Variants in CDC14A observed in about 807,000 individuals in gnomAD.
The protein encoded by CDC14A is dual specificity protein phosphatase CDC14A.
A neutral mutation model predicts 74.4 loss-of-function variants in CDC14A; 53 were observed. That is an observed-to-expected ratio of 0.71 (90% confidence interval 0.57 to 0.89). CDC14A has a LOEUF of 0.89. Ranked by LOEUF, CDC14A falls within the 40% of genes least tolerant of loss-of-function variation. CDC14A has a pLI of 0.00. For missense variants in CDC14A, 646 were observed against 713.7 expected, an observed-to-expected ratio of 0.91 and a Z score of 1.08; for synonymous variants, 247 against 258.4, an observed-to-expected ratio of 0.96 and a Z score of 0.43.
chr1:100,399,248 A>G (rs1258244778), intron 4 of CDC14A, among the ~76,000 whole-genome samples: 1 of 152,166 alleles, frequency 6.6e-6, no homozygotes, highest in African/African-American at 2.4e-5. Context: ...AGGTGACCAA[A>G]TAATATTTCA....
At position 100,417,997 on chromosome 1, in the gene CDC14A, C is replaced by A. The variant is rs568733868; in HGVS notation, c.310-6225C>A. Reference sequence around the variant, plus strand: ...CTAATTACAAAAGAGCTGTGAGGGGCCCATCAGGATGTGCTTATGAGTTTC... The same window carrying A: ...CTAATTACAAAAGAGCTGTGAGGGGACCATCAGGATGTGCTTATGAGTTTC... On this transcript the variant is annotated intron_variant, in intron 4 of 15. Transcript: ENST00000336454. Among the ~76,000 whole-genome samples the A allele has an allele frequency of 2.0e-5, 3 of 152,246 alleles. No homozygotes were observed. In the East Asian group the frequency reaches 5.8e-4, roughly 29 times the overall value.
chr1:100,423,815 GCTCA>G (rs374946645), intron 4 of CDC14A: 175 of 182,768 alleles, frequency 9.6e-4, no homozygotes, highest in African/African-American at 3.3e-3. Context: ...TGGATATTGT[GCTCA>G]CTGTGAGAAG....
At chr1:100,408,120 A>G (rs760937464) in intron 4 of CDC14A, among the ~76,000 whole-genome samples, 1 of 152,036 alleles carries the variant, frequency 6.6e-6, no homozygotes, top group Non-Finnish European at 1.5e-5. Flanking sequence ...CTTTGTGTCC[A>G]TGTGTTCTCA....
chr1:100,387,700 C>T (rs1657067929), intron 3 of CDC14A, among the ~76,000 whole-genome samples: 1 of 152,136 alleles, frequency 6.6e-6, no homozygotes, highest in Non-Finnish European at 1.5e-5. Context: ...ATTATATTTA[C>T]TTAAATAATA....
chr1:100,431,256 G>A (rs989173928), intron 5 of CDC14A, among the ~76,000 whole-genome samples: 4 of 151,766 alleles, frequency 2.6e-5, no homozygotes, highest in Non-Finnish European at 5.9e-5. Flanking sequence ...GGAACAAGAA[G>A]GTGCTTTGGT....
upstream of CDC14A, among the ~76,000 whole-genome samples, chr1:100,347,578 C>G (rs995233707): frequency 6.6e-6 from 1 of 152,164 alleles, no homozygotes; most frequent in African/African-American, 2.4e-5. Flanking sequence ...ATGAGTCATG[C>G]TATCTATTTT....
At chr1:100,368,207 C>G (rs57587405) in intron 2 of CDC14A, among the ~76,000 whole-genome samples, 6 of 152,196 alleles carry the variant, frequency 3.9e-5, no homozygotes, top group Admixed American at 3.3e-4. Context: ...TCCATCAGTG[C>G]AGAACATTGT....
At chr1:100,348,782 T>C (rs1650659812), upstream of CDC14A, among the ~76,000 whole-genome samples, 2 of 152,244 alleles carry the variant, frequency 1.3e-5, no homozygotes, top group African/African-American at 4.8e-5. Context: ...CTAGTGGCTT[T>C]TGACATAATT....
chr1:100,373,477 G>A (rs1462892266), intron 2 of CDC14A, among the ~76,000 whole-genome samples: 3 of 152,194 alleles, frequency 2.0e-5, no homozygotes, highest in African/African-American at 7.2e-5. Flanking sequence ...GAGACATGAA[G>A]TGAGCACATG....
chr1:100,366,712 C>T (rs1410786941), intron 2 of CDC14A, among the ~76,000 whole-genome samples: 1 of 152,150 alleles, frequency 6.6e-6, no homozygotes, highest in East Asian at 1.9e-4. Flanking sequence ...TGCAGGACTC[C>T]AAATGCTCCA....
intron 10 of CDC14A, among the ~76,000 whole-genome samples, chr1:100,471,107 A>T (rs189056157): frequency 1.3e-5 from 2 of 152,290 alleles, no homozygotes; most frequent in African/African-American, 4.8e-5. Flanking sequence ...CAAAGAATGA[A>T]TTACTGATAT....
intron 4 of CDC14A, among the ~76,000 whole-genome samples, chr1:100,422,248 C>G (rs941519139): frequency 6.6e-6 from 1 of 152,170 alleles, no homozygotes; most frequent in Non-Finnish European, 1.5e-5. Context: ...AAGAAGCATT[C>G]CATGTGGGCT....
At chr1:100,376,447 G>A (rs1557694070) in intron 2 of CDC14A, among the ~76,000 whole-genome samples, 1 of 152,162 alleles carries the variant, frequency 6.6e-6, no homozygotes, top group South Asian at 2.1e-4. Context: ...CTGTGATTGA[G>A]AGATTTAATG....
chr1:100,451,522 C>G (rs1457465275), intron 7 of CDC14A, among the ~76,000 whole-genome samples: 4 of 152,196 alleles, frequency 2.6e-5, no homozygotes, highest in Non-Finnish European at 4.4e-5. Context: ...CATAAAGTGC[C>G]TGTCCTTACA....
intron 15 of CDC14A, among the ~76,000 whole-genome samples, chr1:100,511,744 T>C (rs912846566): frequency 6.6e-6 from 1 of 152,214 alleles, no homozygotes. Context: ...TGTCCTTCCA[T>C]TCTTACCACT....
chr1:100,478,345 C>T (rs1436893191), intron 10 of CDC14A, among the ~76,000 whole-genome samples: 1 of 151,540 alleles, frequency 6.6e-6, no homozygotes, highest in Non-Finnish European at 1.5e-5. Flanking sequence ...GTGAATGTTC[C>T]CCTGACCTTG....
chr1:100,484,465 A>G lies in CDC14A; in HGVS notation c.1137+14A>G. 1 of 1,590,502 alleles carries G rather than the reference A, an allele frequency of 6.3e-7. No homozygotes were observed. The highest frequency in any genetic ancestry group is 1.2e-5 in the South Asian group (1 of 86,672). ...CGATTTGGAGAGGTAAGTTTTCCCT[A>G]GGAGATTCTATCTTCTTAAAACTGA... On this transcript the variant is annotated intron_variant, in intron 11 of 15. Coordinates refer to ENST00000336454, the MANE Select transcript of CDC14A (RefSeq NM_003672.4).
chr1:100,346,878 A>T (rs916658944), intron 1 of CDC14A, among the ~76,000 whole-genome samples: 6 of 152,198 alleles, frequency 3.9e-5, no homozygotes, highest in Admixed American at 1.3e-4. Flanking sequence ...CTTAATGTTC[A>T]CTATACCAGT....
At chr1:100,423,347 A>G (rs1662584452) in intron 4 of CDC14A, among the ~76,000 whole-genome samples, 1 of 152,170 alleles carries the variant, frequency 6.6e-6, no homozygotes, top group South Asian at 2.1e-4. Flanking sequence ...TCTAGAGTCT[A>G]GATCTTACCC....
Sources: gnomAD v4.1 joint callset for allele counts (sites outside exome capture counted in the v4.1 genomes callset) on GRCh38, gnomAD v4.1.1 for gene constraint, MANE v1.5 for transcripts, NCBI Gene and HGNC (gene_info 2026-07-23, HGNC 2026-07-21) for gene names.